The following SV2C variants were observed in gnomAD, a reference collection of about 807,000 sequenced individuals.
The protein encoded by SV2C is solute carrier family 22 member B3.
Under a neutral mutation model 79.7 loss-of-function variants are expected in SV2C, and 49 were observed. The ratio of observed to expected loss-of-function variants is 0.61; its 90% CI spans 0.49 to 0.78. SV2C has a LOEUF of 0.78. Ranked by LOEUF, SV2C falls within the 30% of genes least tolerant of loss-of-function variation. SV2C has a pLI of 0.00. For synonymous variants in SV2C, 334 were observed against 333.2 expected (o/e 1.00, Z -0.03); for missense variants, 833 against 912.9 (o/e 0.91, Z 1.13).
At chr5:76,232,672 C>G (rs1450906332) in intron 4 of SV2C, among the ~76,000 whole-genome samples, 1 of 146,366 alleles carries the variant, frequency 6.8e-6, no homozygotes, top group African/African-American at 2.7e-5. Context: ...GCCAGTTTTC[C>G]CAGCACCATT....
At chr5:76,313,748 C>T (rs529369860) in intron 12 of SV2C, among the ~76,000 whole-genome samples, 16 of 152,298 alleles carry the variant, frequency 1.1e-4, no homozygotes, top group African/African-American at 3.6e-4. Flanking sequence ...ATTTCACCAA[C>T]TTGAGGCTGC....
chr5:76,325,407 G>A lies in SV2C; in HGVS notation c.2044G>A (p.Ala682Thr). 6.2e-7 allele frequency: 1 copy of A among 1,614,208 alleles called. No individual in the cohort carries two copies. The highest frequency in any genetic ancestry group is 8.5e-7 in the Non-Finnish European group (1 of 1,180,040). Residue 682 changes from alanine (A) to threonine (T), a missense_variant, in exon 13 of 13, where the codon GCC (alanine) becomes ACC (threonine). Coordinates refer to ENST00000502798, the MANE Select transcript of SV2C (RefSeq NM_014979.4). The stretch of plus-strand genomic sequence containing the variant: ...CTTAAATGCGCTATGCAAGGCAGCA[G>A]CCGTCCTGGGAAACTTAATATTTGG... ...GFLNALCKAAAVLGNLIFGSL... is the reference protein window; with the variant it reads ...GFLNALCKAATVLGNLIFGSL...
chr5:76,216,180 G>A (rs1353975657), intron 4 of SV2C, among the ~76,000 whole-genome samples: 1 of 152,140 alleles, frequency 6.6e-6, no homozygotes, highest in Non-Finnish European at 1.5e-5. Flanking sequence ...TACCAGTGTG[G>A]AATAATGATG....
chr5:75,978,879 G>A, the SV2C span, among the ~76,000 whole-genome samples: 1 of 152,122 alleles, frequency 6.6e-6, no homozygotes, highest in Non-Finnish European at 1.5e-5. Flanking sequence ...GATGGCTTGA[G>A]GCTGAGGCAG....
chr5:75,912,578 T>TA, the SV2C span, among the ~76,000 whole-genome samples: 2 of 152,256 alleles, frequency 1.3e-5, no homozygotes, highest in South Asian at 4.1e-4. Flanking sequence ...AATATGCAAC[T>TA]ATTGGAGCAA....
At chr5:75,893,644 A>C in the SV2C span, among the ~76,000 whole-genome samples, 1 of 152,114 alleles carries the variant, frequency 6.6e-6, no homozygotes, top group African/African-American at 2.4e-5. Flanking sequence ...ATTGGGTACT[A>C]TGCTTACCAT....
At chr5:76,019,424 C>T in the SV2C span, among the ~76,000 whole-genome samples, 1 of 152,018 alleles carries the variant, frequency 6.6e-6, no homozygotes, top group Admixed American at 6.5e-5. Flanking sequence ...AAAAGAAAGA[C>T]CGATGGGGCA....
chr5:76,062,330 T>C, the SV2C span, among the ~76,000 whole-genome samples: 1 of 152,116 alleles, frequency 6.6e-6, no homozygotes, highest in Non-Finnish European at 1.5e-5. Context: ...ATAAAAGGGC[T>C]TGATGGAAGT....
At chr5:76,252,123 T>G (rs1332969645) in intron 4 of SV2C, among the ~76,000 whole-genome samples, 3 of 152,174 alleles carry the variant, frequency 2.0e-5, no homozygotes, top group East Asian at 1.9e-4. Context: ...TGATGCTTTT[T>G]TTGTTGTTGT....
chr5:76,026,401 CT>C, the SV2C span, among the ~76,000 whole-genome samples: 3 of 152,156 alleles, frequency 2.0e-5, no homozygotes, highest in African/African-American at 4.8e-5. Flanking sequence ...TATGGAAGAT[CT>C]ATTAGGGGGA....
chr5:76,146,110 G>A (rs1194713623), intron 2 of SV2C, among the ~76,000 whole-genome samples: 1 of 152,176 alleles, frequency 6.6e-6, no homozygotes, highest in African/African-American at 2.4e-5. Context: ...GAGCTGAAGT[G>A]TCATGAAGCT....
At chr5:76,038,428 T>C in the SV2C span, among the ~76,000 whole-genome samples, 6 of 152,216 alleles carry the variant, frequency 3.9e-5, no homozygotes, top group African/African-American at 1.2e-4. Flanking sequence ...GGCACTTTCC[T>C]ATCATATAGC....
At chr5:75,953,481 G>C in the SV2C span, among the ~76,000 whole-genome samples, 1 of 151,974 alleles carries the variant, frequency 6.6e-6, no homozygotes, top group Non-Finnish European at 1.5e-5. Flanking sequence ...ATACGTAGTA[G>C]ATGTTTCAGG....
chr5:76,238,218 G>A (rs550173233), intron 4 of SV2C, among the ~76,000 whole-genome samples: 3 of 151,626 alleles, frequency 2.0e-5, no homozygotes, highest in Non-Finnish European at 4.4e-5. Context: ...TCCTTTCTAG[G>A]AGCTTCTTTA....
At chr5:75,995,554 C>T in the SV2C span, among the ~76,000 whole-genome samples, 118,029 of 152,068 alleles carry the variant, frequency 0.78, 46,220 homozygotes, top group African/African-American at 0.88. Flanking sequence ...TCAAATAATT[C>T]GAAACAAAAT....
Position 76,209,847 on chromosome 5 carries a change from C to A in SV2C, c.873C>A (p.Ile291=). 6.2e-7 allele frequency: 1 copy of A among 1,614,178 alleles called. No individual in the cohort carries two copies. The highest frequency in any genetic ancestry group is 8.5e-7 in the Non-Finnish European group (1 of 1,180,020). Residue 291 remains isoleucine (I), a synonymous_variant, in exon 4 of 13, where the codon ATC becomes ATA. Coordinates refer to ENST00000502798, the MANE Select transcript of SV2C (RefSeq NM_014979.4). The part of the protein sequence containing the change: ...WLCMFWMIGG[I]YASAMAWAII... ...GCATGTTCTGGATGATCGGTGGCAT[C>A]TACGCCTCTGCCATGGCCTGGGCCA... is the stretch of plus-strand genomic sequence containing the variant.
intron 4 of SV2C, among the ~76,000 whole-genome samples, chr5:76,242,696 G>A (rs1010478789): frequency 6.6e-6 from 1 of 152,088 alleles, no homozygotes; most frequent in African/African-American, 2.4e-5. Context: ...TCTCTGCACT[G>A]ACCATCTGCA....
At chr5:76,352,563 T>C (rs895730935) in intron 12 of SV2C, among the ~76,000 whole-genome samples, 1 of 152,214 alleles carries the variant, frequency 6.6e-6, no homozygotes, top group African/African-American at 2.4e-5. Flanking sequence ...CATGAAATGA[T>C]GAAGCAAGGA....
At chr5:75,862,159 T>C in the SV2C span, among the ~76,000 whole-genome samples, 2 of 152,240 alleles carry the variant, frequency 1.3e-5, no homozygotes, top group African/African-American at 4.8e-5. Flanking sequence ...GCATCAAGAA[T>C]AAATTACTAA....
Sources: gnomAD v4.1 joint callset for allele counts (sites outside exome capture counted in the v4.1 genomes callset) on GRCh38, gnomAD v4.1.1 for gene constraint, MANE v1.5 for transcripts, NCBI Gene and HGNC (gene_info 2026-07-23, HGNC 2026-07-21) for gene names.